The following N4BP2L1 variants were observed in gnomAD, a reference collection of about 807,000 sequenced individuals.
N4BP2L1 encodes NEDD4 binding protein 2 like 1.
Under a neutral mutation model 21.2 loss-of-function variants are expected in N4BP2L1, and 12 were observed. The ratio of observed to expected loss-of-function variants is 0.57; its 90% confidence interval spans 0.36 to 0.92. N4BP2L1 has a LOEUF of 0.92. N4BP2L1 is among the 40% of genes least tolerant of loss of function. The pLI is 0.01. For missense variants in N4BP2L1, 259 were observed against 310.6 expected (o/e 0.83, Z 1.25); for synonymous variants, 104 against 112.8 (o/e 0.92, Z 0.49).
At chr13:32,419,356 C>T (rs1379838184) in intron 1 of N4BP2L1, 3 of 417,264 alleles carry the variant, frequency 7.2e-6, no homozygotes, top group East Asian at 7.9e-5. Context: ...AGTGATTCTC[C>T]TGCCTCAGCC....
At chr13:32,413,982 A>G (rs972577244) in intron 1 of N4BP2L1, among the ~76,000 whole-genome samples, 2 of 150,618 alleles carry the variant, frequency 1.3e-5, no homozygotes, top group African/African-American at 4.9e-5. Flanking sequence ...CCTGGGTTCA[A>G]GCGATTCTCC....
At chr13:32,415,698 T>C (rs2074098585) in intron 1 of N4BP2L1, among the ~76,000 whole-genome samples, 1 of 152,180 alleles carries the variant, frequency 6.6e-6, no homozygotes, top group African/African-American at 2.4e-5. Flanking sequence ...TTTTATATCA[T>C]AGAGAGGAAT....
chr13:32,415,153 C>CT (rs1245130648), intron 1 of N4BP2L1, among the ~76,000 whole-genome samples: 6 of 152,144 alleles, frequency 3.9e-5, no homozygotes, highest in African/African-American at 1.4e-4. Context: ...TCAACATGGA[C>CT]CCAGGAGTCT....
chr13:32,408,089 G>A (rs2073634704), intron 1 of N4BP2L1, among the ~76,000 whole-genome samples: 1 of 152,158 alleles, frequency 6.6e-6, no homozygotes, highest in Admixed American at 6.5e-5. Flanking sequence ...TCGCAGGCCT[G>A]GTGACTGTCT....
chr13:32,415,839 C>T (rs2074106984), intron 1 of N4BP2L1: 1 of 152,176 alleles, frequency 6.6e-6, no homozygotes. Context: ...CAACCAACCC[C>T]CACTTTAACT....
intron 1 of N4BP2L1, among the ~76,000 whole-genome samples, chr13:32,423,803 T>C (rs1195887962): frequency 1.3e-5 from 2 of 152,196 alleles, no homozygotes; most frequent in African/African-American, 4.8e-5. Flanking sequence ...AGTTATTGCT[T>C]AATGGGCACA....
chr13:32,407,777 A>T lies in N4BP2L1; in HGVS notation c.180-5T>A, dbSNP rs375824827. 6.3e-7 allele frequency: 1 copy of T among 1,576,818 alleles called. No homozygotes were observed. The highest frequency in any genetic ancestry group is 8.6e-7 in the Non-Finnish European group (1 of 1,165,512). On this transcript the variant is annotated splice_region_variant and splice_polypyrimidine_tract_variant and intron_variant, in intron 1 of 4. Coordinates refer to ENST00000380130, the MANE Select transcript of N4BP2L1 (RefSeq NM_052818.3). ...GGAAAGTCATGCTGCAATTGTCTGG[A>T]AAGTGGAGAAATGAGAGAGAGAGAT... is the stretch of plus-strand genomic sequence containing the variant.
intron 3 of N4BP2L1, among the ~76,000 whole-genome samples, chr13:32,405,010 A>G (rs1317462494): frequency 6.6e-6 from 1 of 152,138 alleles, no homozygotes; most frequent in East Asian, 1.9e-4. Flanking sequence ...CTTTATCTCA[A>G]ACTGAATTTT....
At chr13:32,420,553 A>G (rs1439224140) in intron 1 of N4BP2L1, 3 of 152,186 alleles carry the variant, frequency 2.0e-5, no homozygotes, top group African/African-American at 7.2e-5. Flanking sequence ...GAGGTAAAGG[A>G]GCCGGCACAT....
intron 3 of N4BP2L1, among the ~76,000 whole-genome samples, chr13:32,405,210 A>C (rs2073399717): frequency 2.0e-5 from 3 of 152,136 alleles, no homozygotes; most frequent in Admixed American, 6.5e-5. Context: ...CATATCCAGA[A>C]GATAAAAAGT....
intron 4 of N4BP2L1, 99 bp from the exon 5 acceptor site, chr13:32,403,299 T>G: frequency 1.6e-6 from 2 of 1,224,450 alleles, no homozygotes; most frequent in Non-Finnish European, 2.3e-6. Flanking sequence ...CAGTCCCTGT[T>G]CTCAGGACCT....
At chr13:32,416,068 A>T (rs181830923) in intron 1 of N4BP2L1, 25 of 152,368 alleles carry the variant, frequency 1.6e-4, no homozygotes, top group Admixed American at 1.6e-3. Flanking sequence ...ATACTTGTTG[A>T]ATTAAAAAAT....
At chr13:32,409,077 G>C (rs2073698777) in intron 1 of N4BP2L1, among the ~76,000 whole-genome samples, 1 of 152,174 alleles carries the variant, frequency 6.6e-6, no homozygotes, top group South Asian at 2.1e-4. Flanking sequence ...TAACAATGAG[G>C]CCAAATTGAC....
At chr13:32,421,566 T>C (rs1566345473) in intron 1 of N4BP2L1, among the ~76,000 whole-genome samples, 1 of 152,134 alleles carries the variant, frequency 6.6e-6, no homozygotes, top group Non-Finnish European at 1.5e-5. Context: ...AAAATCCTCA[T>C]CTATAAAATA....
intron 1 of N4BP2L1, among the ~76,000 whole-genome samples, chr13:32,422,618 G>A (rs921247034): frequency 1.6e-4 from 24 of 152,190 alleles, no homozygotes; most frequent in Non-Finnish European, 1.2e-4. Context: ...GAATGTGTTT[G>A]TGGTGAATCT....
At chr13:32,413,798 T>G (rs570885443) in intron 1 of N4BP2L1, among the ~76,000 whole-genome samples, 1 of 151,970 alleles carries the variant, frequency 6.6e-6, no homozygotes, top group South Asian at 2.1e-4. Context: ...ACTGGAAATA[T>G]ATATATAATT....
intron 1 of N4BP2L1, among the ~76,000 whole-genome samples, chr13:32,418,833 A>G (rs1265595356): frequency 6.6e-6 from 1 of 152,216 alleles, no homozygotes; most frequent in Non-Finnish European, 1.5e-5. Context: ...CATGGGGCCT[A>G]TAGCCTTTTT....
intron 3 of N4BP2L1, among the ~76,000 whole-genome samples, chr13:32,404,823 G>T (rs755697048): frequency 2.6e-5 from 4 of 151,512 alleles, no homozygotes; most frequent in Non-Finnish European, 5.9e-5. Context: ...GAACATAACT[G>T]GTGAAATAAA....
upstream of N4BP2L1, among the ~76,000 whole-genome samples, chr13:32,429,593 C>T (rs960749089): frequency 1.2e-4 from 18 of 152,198 alleles, no homozygotes; most frequent in African/African-American, 3.1e-4. Flanking sequence ...ACTGCAAACA[C>T]GCTGTGCCCG....
Sources: allele counts gnomAD v4.1 joint callset (sites outside exome capture counted in the v4.1 genomes callset), GRCh38; gene constraint gnomAD v4.1.1; transcripts MANE v1.5; gene names NCBI Gene and HGNC (gene_info 2026-07-23, HGNC 2026-07-21).